Variants in NRG4 observed in about 807,000 individuals in gnomAD.
NRG4 encodes pro-neuregulin-4, membrane-bound isoform.
NRG4 carries 10 observed loss-of-function variants against 15.0 expected under a neutral mutation model. That is an observed-to-expected ratio of 0.67 (90% CI 0.41 to 1.13). The LOEUF (loss-of-function observed/expected upper bound fraction) is 1.13, where lower values mean the gene tolerates loss of function less well. Ranked by LOEUF, NRG4 falls within the 50% of genes most tolerant of loss-of-function variation. The probability of loss-of-function intolerance (pLI) is 0.00; values close to 1 mark genes in which losing one functional copy is unlikely to be tolerated. For synonymous variants in NRG4, 41 were observed against 50.1 expected, an observed-to-expected ratio of 0.82 and a Z score of 0.77; for missense variants, 139 against 140.2, an observed-to-expected ratio of 0.99 and a Z score of 0.04.
chr15:75,989,784 A>T (rs1371803804), intron 3 of NRG4, among the ~76,000 whole-genome samples: 1 of 151,116 alleles, frequency 6.6e-6, no homozygotes, highest in Non-Finnish European at 1.5e-5. Flanking sequence ...TCCTAATCAC[A>T]TTTGCCTGCT....
chr15:76,056,592 A>G (rs867128231), intron 2 of NRG4, among the ~76,000 whole-genome samples: 3 of 152,198 alleles, frequency 2.0e-5, no homozygotes, highest in Non-Finnish European at 4.4e-5. Flanking sequence ...GCTTTTACCA[A>G]CTCAGATTGG....
chr15:75,993,484 G>A (rs1042431972), intron 3 of NRG4, among the ~76,000 whole-genome samples: 4 of 149,438 alleles, frequency 2.7e-5, no homozygotes, highest in East Asian at 4.0e-4. Context: ...GACAGATCAC[G>A]AGGTCAGGAG....
chr15:76,038,433 A>G (rs1324291703), intron 4 of NRG4, among the ~76,000 whole-genome samples: 1 of 152,230 alleles, frequency 6.6e-6, no homozygotes, highest in African/African-American at 2.4e-5. Context: ...AGCTAACTGA[A>G]GAGCCCTCAG....
At chr15:76,020,889 C>T (rs1355683087) in intron 5 of NRG4, among the ~76,000 whole-genome samples, 1 of 152,228 alleles carries the variant, frequency 6.6e-6, no homozygotes, top group Non-Finnish European at 1.5e-5. Context: ...GGTAAAGCAA[C>T]AAGCGCTAAT....
intron 3 of NRG4, among the ~76,000 whole-genome samples, chr15:75,990,982 T>G (rs2141870974): frequency 6.6e-6 from 1 of 152,258 alleles, no homozygotes; most frequent in Non-Finnish European, 1.5e-5. Flanking sequence ...AGCCGGTAAT[T>G]TTCATATATT....
Position 75,952,588 on chromosome 15 carries a change from CAA to C in NRG4, c.331+3342_331+3343del, listed in dbSNP as rs2031973945. Reference sequence around the variant, plus strand: ...TTTTTTTCTTTTTTTTCGCCCTCCTCAAAGTTTTTTTTTTTTTAAGAGATGGG... The same window carrying C: ...TTTTTTTCTTTTTTTTCGCCCTCCTCAGTTTTTTTTTTTTTAAGAGATGGG... On this transcript the variant is annotated intron_variant, in intron 5 of 5. Transcript: ENST00000394907. Among the ~76,000 whole-genome samples the C allele has an allele frequency of 2.7e-5, 4 of 150,368 alleles. No homozygotes were observed. In the South Asian group the frequency reaches 8.4e-4, roughly 31 times the overall value.
chr15:76,056,672 C>T (rs1031688468), intron 2 of NRG4, among the ~76,000 whole-genome samples: 6 of 152,080 alleles, frequency 3.9e-5, no homozygotes, highest in South Asian at 2.1e-4. Context: ...AAAATATTAA[C>T]ATTTATATCA....
In NRG4 at chr15:75,974,738, T is replaced by A. The variant is rs113757463; in HGVS notation, c.105-12764A>T. ...GTCTGAGAGACTGTTACGATTTTCA[T>A]TCTTTTGCATTTGCTGAGCAGTGTT... On this transcript the variant is annotated intron_variant, in intron 3 of 5. Transcript: ENST00000394907. 5.4e-3 allele frequency among the ~76,000 whole-genome samples: 815 copies of A among 152,334 alleles called. 10 individuals are homozygous for A. Among genetic ancestry groups the A allele is most frequent in the African/African-American group, 0.019 (772 of 41,584 alleles).
chr15:76,007,095 A>T lies in NRG4; in HGVS notation c.104+2105T>A, dbSNP rs139361213. ...CAAACTATAAAATTTTTAGGATAAAACAGAAATGTATTTGAAAATTTTTAA... is the reference window on the plus strand; with the variant it reads ...CAAACTATAAAATTTTTAGGATAAATCAGAAATGTATTTGAAAATTTTTAA... On this transcript the variant is annotated intron_variant, in intron 3 of 5. Coordinates refer to ENST00000394907, the MANE Select transcript of NRG4 (RefSeq NM_138573.4). Among the ~76,000 whole-genome samples, 823 of 152,338 alleles carry T rather than the reference A, an allele frequency of 5.4e-3. 4 individuals are homozygous for T. Among genetic ancestry groups the T allele is most frequent in the Non-Finnish European group, 9.4e-3 (640 of 68,026 alleles).
intron 3 of NRG4, among the ~76,000 whole-genome samples, chr15:75,984,381 C>G (rs1170637981): frequency 2.0e-5 from 3 of 152,038 alleles, no homozygotes; most frequent in Non-Finnish European, 2.9e-5. Flanking sequence ...TTACTTAGAA[C>G]CAACCCAAAT....
chr15:75,986,553 T>G (rs1286921683), intron 3 of NRG4, among the ~76,000 whole-genome samples: 2 of 152,304 alleles, frequency 1.3e-5, no homozygotes, highest in Middle Eastern at 3.4e-3. Context: ...TAGAAAACAG[T>G]GTAAAAACTG....
At chr15:75,987,397 T>C (rs1238961820) in intron 3 of NRG4, among the ~76,000 whole-genome samples, 4 of 152,230 alleles carry the variant, frequency 2.6e-5, no homozygotes, top group Admixed American at 1.3e-4. Flanking sequence ...TATTCCATTT[T>C]AATTTTACCA....
chr15:76,017,018 G>A (rs1273357743), upstream of NRG4, among the ~76,000 whole-genome samples: 2 of 152,036 alleles, frequency 1.3e-5, no homozygotes. Context: ...CCTGTATTGG[G>A]TGCATATATA....
At chr15:76,038,630 C>T (rs1399472896) in intron 4 of NRG4, among the ~76,000 whole-genome samples, 2 of 152,230 alleles carry the variant, frequency 1.3e-5, no homozygotes, top group Admixed American at 1.3e-4. Context: ...GTTTTTGACT[C>T]CAGTCCTTAG....
intron 4 of NRG4, among the ~76,000 whole-genome samples, chr15:76,050,502 C>T (rs1360573344): frequency 1.6e-5 from 2 of 127,698 alleles, no homozygotes; most frequent in Non-Finnish European, 1.6e-5. Flanking sequence ...AGTGCAATGG[C>T]TCACTGCAAC....
chr15:75,939,925 T>C (rs554180262), downstream of NRG4: 3 of 152,190 alleles, frequency 2.0e-5, no homozygotes, highest in African/African-American at 4.8e-5. Context: ...GTAGACACCA[T>C]ACTTAGTGGT....
At chr15:76,024,487 C>T (rs1019931125) in intron 5 of NRG4, among the ~76,000 whole-genome samples, 6 of 152,226 alleles carry the variant, frequency 3.9e-5, no homozygotes, top group African/African-American at 1.4e-4. Flanking sequence ...CAGACATGCC[C>T]TCAGGCCAGC....
chr15:76,055,750 G>A (rs2036136867), intron 2 of NRG4, among the ~76,000 whole-genome samples: 1 of 152,180 alleles, frequency 6.6e-6, no homozygotes, highest in African/African-American at 2.4e-5. Flanking sequence ...CCAGATCCAT[G>A]AGAGATTTTT....
At position 76,036,630 on chromosome 15, in the gene NRG4, A is replaced by G. The variant is rs1596049749; in HGVS notation, c.-104-639T>C. ...CATGAGGGCGGAGTTAGAAGGGGAC[A>G]TAATGATAATGCCTCATTCAAAGGG... On this transcript the variant is annotated intron_variant, in intron 4 of 8. Coordinates refer to the NRG4 transcript ENST00000563910. Among the ~76,000 whole-genome samples, 11 of 152,364 alleles carry G rather than the reference A, an allele frequency of 7.2e-5. No individual in the cohort carries two copies. In the South Asian group the frequency reaches 2.3e-3, roughly 32 times the overall value.
Sources: gnomAD v4.1 joint callset for allele counts (sites outside exome capture counted in the v4.1 genomes callset) on GRCh38, gnomAD v4.1.1 for gene constraint, MANE v1.5 for transcripts, NCBI Gene and HGNC (gene_info 2026-07-23, HGNC 2026-07-21) for gene names.